ADGRD1: variants seen among roughly 807,000 people sequenced by gnomAD.
ADGRD1 encodes adhesion G protein-coupled receptor D1, also known as G-protein coupled receptor 133.
Under a neutral mutation model 113.4 loss-of-function variants are expected in ADGRD1, and 77 were observed. The ratio of observed to expected loss-of-function variants is 0.68; its 90% CI spans 0.57 to 0.82. The LOEUF (loss-of-function observed/expected upper bound fraction) is 0.82, where lower values mean the gene tolerates loss of function less well. ADGRD1 is among the 40% of genes least tolerant of loss of function. The probability of loss-of-function intolerance (pLI) is 0.00; values close to 1 mark genes in which losing one functional copy is unlikely to be tolerated. For synonymous variants in ADGRD1, 474 were observed against 475.0 expected (o/e 1.00, Z 0.03); for missense variants, 1,036 against 1,139.1 (o/e 0.91, Z 1.30).
At chr12:130,967,377 T>C (rs910911219) in intron 3 of ADGRD1, 5 of 174,928 alleles carry the variant, frequency 2.9e-5, no homozygotes, top group Admixed American at 2.2e-4. Flanking sequence ...TTTTCCCCTT[T>C]CTAATAAGGA....
In ADGRD1 at chr12:131,084,872, A is replaced by G. The variant is rs1274531375; in HGVS notation, c.1671+209A>G. On this transcript the variant is annotated intron_variant, in intron 15 of 24. Coordinates refer to ENST00000261654, the MANE Select transcript of ADGRD1 (RefSeq NM_198827.5). The surrounding 1 kb of genome is among the most constrained non-coding windows in gnomAD (Gnocchi z 4.5). ...GTGCCAGCAAATATCCGAGGAGCCC[A>G]TGATTGTGTAAATCGAGTCCAGTGT... Among the ~76,000 whole-genome samples the G allele has an allele frequency of 6.6e-6, 1 of 152,194 alleles. No individual in the cohort carries two copies. The highest frequency in any genetic ancestry group is 1.5e-5 in the Non-Finnish European group (1 of 68,028).
chr12:131,070,974 G>T (rs1450015354), intron 13 of ADGRD1: 2 of 517,136 alleles, frequency 3.9e-6, no homozygotes, highest in Non-Finnish European at 7.7e-6. Context: ...ACCATCAGGG[G>T]AATGTAAGAG....
At chr12:131,009,932 C>A (rs1248977347) in intron 12 of ADGRD1, among the ~76,000 whole-genome samples, 1 of 152,196 alleles carries the variant, frequency 6.6e-6, no homozygotes, top group Non-Finnish European at 1.5e-5. Context: ...GGCAGATTTC[C>A]TGCTGGTTTG....
chr12:131,014,070 C>A, intron 12 of ADGRD1, 129 bp from the exon 13 acceptor site: 4 of 910,166 alleles, frequency 4.4e-6, no homozygotes, highest in Non-Finnish European at 3.3e-6. Flanking sequence ...TGAAAGAAAT[C>A]AAAGCTTCAT....
intron 13 of ADGRD1, among the ~76,000 whole-genome samples, chr12:131,035,799 G>C (rs1174024796): frequency 6.6e-6 from 1 of 152,168 alleles, no homozygotes; most frequent in African/African-American, 2.4e-5. Context: ...CATTTTCCTA[G>C]ATATAGACCT....
At chr12:131,122,486 A>G (rs946849582) in intron 20 of ADGRD1, among the ~76,000 whole-genome samples, 4 of 152,128 alleles carry the variant, frequency 2.6e-5, no homozygotes, top group South Asian at 2.1e-4. Flanking sequence ...CAGAGGCTTC[A>G]GGGAGAGGTC....
chr12:131,107,835 A>G (rs1950267567), intron 17 of ADGRD1, among the ~76,000 whole-genome samples: 1 of 152,200 alleles, frequency 6.6e-6, no homozygotes, highest in Admixed American at 6.5e-5. Flanking sequence ...TTCTTCTCTG[A>G]GAACTAACTG....
In ADGRD1 at chr12:131,003,594, A is replaced by T. The variant is rs981586143; in HGVS notation, c.1144+292A>T. On this transcript the variant is annotated intron_variant, in intron 10 of 24. Transcript: ENST00000261654. This position sits in a 1 kb window ranked among gnomAD's most constrained non-coding sequence, Gnocchi z 4.8. ...AGGAGGCAGAAGCAGCAGTGCCTGC[A>T]AGAGTCTGTGGAATAAAAGGGGTGG... Among the ~76,000 whole-genome samples, 1 of 152,236 alleles carries T rather than the reference A, an allele frequency of 6.6e-6. No homozygotes were observed. Among genetic ancestry groups the T allele is most frequent in the East Asian group, 1.9e-4 (1 of 5,196 alleles).
chr12:130,995,295 G>A (rs34572600), intron 8 of ADGRD1, among the ~76,000 whole-genome samples: 11,594 of 152,298 alleles, frequency 0.076, 574 homozygotes, highest in Middle Eastern at 0.11. Context: ...TGTTGGGTGG[G>A]GATGGCGTAT....
intron 13 of ADGRD1, among the ~76,000 whole-genome samples, chr12:131,020,377 T>G (rs1879189292): frequency 6.6e-6 from 1 of 152,074 alleles, no homozygotes; most frequent in Non-Finnish European, 1.5e-5. Context: ...CAGGGAGATG[T>G]TCCAGGCCAG....
At chr12:131,063,266 T>C (rs1488068766) in intron 13 of ADGRD1, among the ~76,000 whole-genome samples, 2 of 152,240 alleles carry the variant, frequency 1.3e-5, no homozygotes, top group African/African-American at 4.8e-5. Context: ...TTTTATCCTT[T>C]TAACAAGAGT....
chr12:131,038,080 C>A (rs949614864), intron 13 of ADGRD1, among the ~76,000 whole-genome samples: 1 of 152,102 alleles, frequency 6.6e-6, no homozygotes, highest in Non-Finnish European at 1.5e-5. Flanking sequence ...TACACCAGTT[C>A]TCACTGCACT....
intron 14 of ADGRD1, among the ~76,000 whole-genome samples, 197 bp downstream of exon 14, chr12:131,077,071 C>G (rs1044857396): frequency 6.6e-6 from 1 of 152,166 alleles, no homozygotes; most frequent in Non-Finnish European, 1.5e-5. Flanking sequence ...CCAGACCATG[C>G]GAGGAGGGGC....
Position 130,982,047 on chromosome 12 carries a change from C to T in ADGRD1, c.474C>T (p.Ala158=). 3 of 1,613,594 alleles carry T rather than the reference C, an allele frequency of 1.9e-6. No individual in the cohort carries two copies. ...GGGACAATTCCATGACATGGGAGGCCTCCTTCAGCCCCCCAGGTGAGTGAC... is the reference window on the plus strand; with the variant it reads ...GGGACAATTCCATGACATGGGAGGCTTCCTTCAGCCCCCCAGGTGAGTGAC... ...YTRDNSMTWE[A]SFSPPGPYWT... is the part of the protein sequence containing the mutation. Residue 158 remains alanine, a synonymous_variant, in exon 5 of 25, where the codon GCC becomes GCT. Coordinates refer to ENST00000261654, the MANE Select transcript of ADGRD1 (RefSeq NM_198827.5).
chr12:130,989,445 T>C (rs1874097572), intron 6 of ADGRD1: 1 of 152,196 alleles, frequency 6.6e-6, no homozygotes, highest in African/African-American at 2.4e-5. Context: ...AAAGCATGTA[T>C]AGGAGAATGG....
intron 14 of ADGRD1, 53 bp downstream of exon 14, chr12:131,076,927 C>T (rs1190352365): frequency 2.1e-6 from 3 of 1,395,446 alleles, no homozygotes; most frequent in East Asian, 2.3e-5. Flanking sequence ...AAGCCCAGGC[C>T]CGCCCCATGC....
At chr12:131,095,365 C>T (rs1351305136) in intron 15 of ADGRD1, among the ~76,000 whole-genome samples, 1 of 152,268 alleles carries the variant, frequency 6.6e-6, no homozygotes, top group East Asian at 1.9e-4. Context: ...TCCAACCAGA[C>T]CCAGGCTGCT....
chr12:131,004,564 C>G (rs1344155572), intron 11 of ADGRD1, among the ~76,000 whole-genome samples: 1 of 148,832 alleles, frequency 6.7e-6, no homozygotes, highest in African/African-American at 2.5e-5. Context: ...GGCCACTGAA[C>G]TGGAATTTGG....
At chr12:131,064,946 C>T (rs1284220433) in intron 13 of ADGRD1, among the ~76,000 whole-genome samples, 1 of 152,200 alleles carries the variant, frequency 6.6e-6, no homozygotes, top group Non-Finnish European at 1.5e-5. Flanking sequence ...AGCTCTTGAG[C>T]TAGTGAGCCA....
Sources: gnomAD v4.1 joint callset for allele counts (sites outside exome capture counted in the v4.1 genomes callset) on GRCh38, gnomAD v4.1.1 for gene constraint, Gnocchi (gnomAD v3.1) non-coding constraint, MANE v1.5 for transcripts, NCBI Gene and HGNC (gene_info 2026-07-23, HGNC 2026-07-21) for gene names.